The following TFPI variants were observed in gnomAD, a reference collection of about 807,000 sequenced individuals.
TFPI encodes the protein tissue factor pathway inhibitor, also known as anti-convertin.
In TFPI, 15 loss-of-function variants were observed where a neutral mutation model predicts 34.6. The ratio of observed to expected loss-of-function variants is 0.43; its 90% CI spans 0.29 to 0.67. TFPI has a LOEUF of 0.67. Ranked by LOEUF, TFPI falls within the 30% of genes least tolerant of loss-of-function variation. TFPI has a pLI of 0.15. For missense variants in TFPI, 301 were observed against 364.0 expected, an observed-to-expected ratio of 0.83 and a Z score of 1.41; for synonymous variants, 105 against 120.1, an observed-to-expected ratio of 0.87 and a Z score of 0.82.
intron 1 of TFPI, among the ~76,000 whole-genome samples, chr2:187,544,889 C>T (rs897406232): frequency 6.6e-6 from 1 of 152,096 alleles, no homozygotes; most frequent in African/African-American, 2.4e-5. Flanking sequence ...CCAAGGCGGG[C>T]GGATCACCTC....
intron 6 of TFPI, among the ~76,000 whole-genome samples, chr2:187,481,660 G>T (rs1324475568): frequency 6.6e-6 from 1 of 151,414 alleles, no homozygotes; most frequent in Non-Finnish European, 1.5e-5. Flanking sequence ...GGAAGGGAGG[G>T]GAGGGGCGGG....
chr2:187,484,085 A>G, intron 6 of TFPI, 39 bp downstream of exon 6: 3 of 1,531,282 alleles, frequency 2.0e-6, no homozygotes, highest in South Asian at 1.1e-5. Context: ...TAGCATGATA[A>G]TAGTTTCCTG....
intron 7 of TFPI, 97 bp downstream of exon 7, chr2:187,467,653 TATA>T (rs1325073743): frequency 3.6e-6 from 4 of 1,099,016 alleles, no homozygotes; most frequent in Non-Finnish European, 4.9e-6. Context: ...TATACTTTCT[TATA>T]ATAAAGATAA....
At chr2:187,483,264 A>C (rs8176517) in intron 6 of TFPI, among the ~76,000 whole-genome samples, 195 of 150,894 alleles carry the variant, frequency 1.3e-3, no homozygotes, top group African/African-American at 4.5e-3. Context: ...TTTTTTTTTT[A>C]TTATTATTTT....
chr2:187,548,931 A>G (rs1242319769), intron 1 of TFPI, among the ~76,000 whole-genome samples: 1 of 152,088 alleles, frequency 6.6e-6, no homozygotes, highest in Admixed American at 6.6e-5. Context: ...TAATTCTGGG[A>G]AGTCTAGAAT....
chr2:187,554,308 T>C lies in TFPI; in HGVS notation c.-111A>G. The C allele has an allele frequency of 6.6e-6, 1 of 152,238 alleles. No homozygotes were observed. Among genetic ancestry groups the C allele is most frequent in the East Asian group, 1.9e-4 (1 of 5,206 alleles). The allele number at this position is 152,238 out of a possible 1,614,324, so 9.4% of individuals were successfully genotyped here. A position where few individuals can be genotyped will look rare whatever the true frequency, so the allele number is the denominator to read the frequency against. On this transcript the variant is annotated 5_prime_UTR_variant, in exon 1 of 8. Coordinates refer to ENST00000233156, the MANE Select transcript of TFPI (RefSeq NM_006287.6). ...AGACAGGATTTATCTTCTCTACTTC[T>C]TCTTTTAGAAGCAGATCAAGAAACT...
At chr2:187,505,344 T>G (rs570659271) in intron 1 of TFPI, among the ~76,000 whole-genome samples, 1 of 152,192 alleles carries the variant, frequency 6.6e-6, no homozygotes, top group African/African-American at 2.4e-5. Flanking sequence ...ACTTAGTACT[T>G]TAGACTTTCG....
intron 3 of TFPI, among the ~76,000 whole-genome samples, chr2:187,495,978 A>C (rs563102522): frequency 6.6e-6 from 1 of 152,248 alleles, no homozygotes; most frequent in East Asian, 1.9e-4. Flanking sequence ...ATTATTTGTA[A>C]TTTATCTTAG....
chr2:187,529,286 G>A (rs1157971638), intron 1 of TFPI: 1 of 152,186 alleles, frequency 6.6e-6, no homozygotes, highest in Non-Finnish European at 1.5e-5. Flanking sequence ...GCTCTCAGGA[G>A]CTCTCTCAGT....
At chr2:187,480,746 C>G (rs1692794156) in intron 6 of TFPI, among the ~76,000 whole-genome samples, 2 of 152,114 alleles carry the variant, frequency 1.3e-5, no homozygotes, top group Admixed American at 1.3e-4. Context: ...AAATAATGCA[C>G]TCACGCTCAG....
intron 6 of TFPI, among the ~76,000 whole-genome samples, chr2:187,470,180 G>T (rs1029279542): frequency 6.6e-6 from 1 of 152,096 alleles, no homozygotes; most frequent in East Asian, 1.9e-4. Flanking sequence ...TTAGCATTTT[G>T]TATGTAAGAT....
Position 187,494,713 on chromosome 2 carries a change from C to A in TFPI, c.319+2168G>T, listed in dbSNP as rs138971219. On this transcript the variant is annotated intron_variant, in intron 3 of 7. Coordinates refer to ENST00000233156, the MANE Select transcript of TFPI (RefSeq NM_006287.6). ...TGTATAAAACACTCAGACATTCATA[C>A]AATAATTGCAAGTGACTTTTCTTTT... Among the ~76,000 whole-genome samples the A allele has an allele frequency of 3.9e-3, 586 of 152,190 alleles. 7 individuals are homozygous for A. The highest frequency in any genetic ancestry group is 0.013 in the African/African-American group (555 of 41,540).
At chr2:187,517,353 C>T (rs189393580) in intron 1 of TFPI, 46 of 152,262 alleles carry the variant, frequency 3.0e-4, no homozygotes, top group African/African-American at 1.1e-3. Context: ...TGTCTTTGCT[C>T]TCATTGGTTT....
At chr2:187,521,794 G>C (rs899679909) in intron 1 of TFPI, among the ~76,000 whole-genome samples, 1 of 151,934 alleles carries the variant, frequency 6.6e-6, no homozygotes, top group Non-Finnish European at 1.5e-5. Context: ...GTCTCCAACT[G>C]CGGACCTCAT....
At position 187,542,110 on chromosome 2, in the gene TFPI, C is replaced by T. The variant is rs143002074; in HGVS notation, c.-3+12090G>A. Among the ~76,000 whole-genome samples the T allele has an allele frequency of 7.3e-3, 1,112 of 152,118 alleles. 19 individuals are homozygous for T. The highest frequency in any genetic ancestry group is 0.025 in the African/African-American group (1,036 of 41,466). ...TAAATCTGTGCTGAAAAGTAACAGA[C>T]AGAATTTGAAGAGAAAAATTTTATG... On this transcript the variant is annotated intron_variant, in intron 1 of 7. Coordinates refer to ENST00000233156, the MANE Select transcript of TFPI (RefSeq NM_006287.6).
chr2:187,535,031 G>A (rs1480847450), intron 1 of TFPI, among the ~76,000 whole-genome samples: 1 of 152,160 alleles, frequency 6.6e-6, no homozygotes, highest in African/African-American at 2.4e-5. Context: ...GCAACAAGAA[G>A]AGCTAACAAT....
In TFPI at chr2:187,484,255, G is replaced by T. The variant is rs1350303986; in HGVS notation, c.536-39C>A. The T allele has an allele frequency of 2.6e-6, 4 of 1,560,844 alleles. No homozygotes were observed. In the African/African-American group the frequency reaches 4.1e-5, roughly 16 times the overall value. On this transcript the variant is annotated intron_variant, in intron 5 of 7. Transcript: ENST00000233156. ...CAGCCAATTAAAATAGATAAACATT[G>T]TCACAATCTCATATTTGGACTCATG...
At chr2:187,480,352 T>C (rs926640100) in intron 6 of TFPI, among the ~76,000 whole-genome samples, 4 of 152,074 alleles carry the variant, frequency 2.6e-5, no homozygotes, top group African/African-American at 9.7e-5. Flanking sequence ...TGACTAGATA[T>C]CAGGCACTGT....
intron 6 of TFPI, among the ~76,000 whole-genome samples, chr2:187,479,390 T>C (rs1001604108): frequency 1.1e-4 from 16 of 151,570 alleles, no homozygotes; most frequent in African/African-American, 2.9e-4. Flanking sequence ...AGTTTACTTA[T>C]GTTAGATATA....
Sources: allele counts gnomAD v4.1 joint callset (sites outside exome capture counted in the v4.1 genomes callset), GRCh38; gene constraint gnomAD v4.1.1; transcripts MANE v1.5; gene names NCBI Gene and HGNC (gene_info 2026-07-23, HGNC 2026-07-21).